SLC24A2: variants seen among roughly 807,000 people sequenced by gnomAD.
SLC24A2 encodes the protein solute carrier family 24 member 2, also known as sodium/potassium/calcium exchanger 2.
In SLC24A2, 36 loss-of-function variants were observed where a neutral mutation model predicts 62.0. The observed-to-expected ratio is 0.58, with a 90% CI of 0.44 to 0.77. The LOEUF is 0.77. SLC24A2 is among the 30% of genes least tolerant of loss of function. The probability of loss-of-function intolerance (pLI) is 0.00; values close to 1 mark genes in which losing one functional copy is unlikely to be tolerated. For missense variants in SLC24A2, 846 were observed against 817.9 expected (o/e 1.03, Z -0.42); for synonymous variants, 358 against 294.0 (o/e 1.22, Z -2.23).
chr9:19,548,501 C>G (rs59115236), intron 8 of SLC24A2, among the ~76,000 whole-genome samples: 7,816 of 152,242 alleles, frequency 0.051, 637 homozygotes, highest in African/African-American at 0.18. Context: ...ACCAATAACT[C>G]AAGGCCTTGG....
At chr9:19,547,626 G>C (rs1268613439) in intron 8 of SLC24A2, among the ~76,000 whole-genome samples, 6 of 148,858 alleles carry the variant, frequency 4.0e-5, no homozygotes. Context: ...TTGACTTACT[G>C]GCATCTTCCT....
chr9:20,267,433 T>G, the SLC24A2 span, among the ~76,000 whole-genome samples: 1 of 152,194 alleles, frequency 6.6e-6, no homozygotes, highest in Non-Finnish European at 1.5e-5. Flanking sequence ...AGTGCTTGTC[T>G]GGCCAGGACC....
At chr9:19,861,737 T>A in the SLC24A2 span, among the ~76,000 whole-genome samples, 1 of 151,824 alleles carries the variant, frequency 6.6e-6, no homozygotes, top group African/African-American at 2.4e-5. Context: ...ACAAAGAAAT[T>A]GAAATAATTA....
chr9:19,584,281 A>C (rs1220949322), intron 5 of SLC24A2, among the ~76,000 whole-genome samples: 3 of 149,742 alleles, frequency 2.0e-5, no homozygotes, highest in Non-Finnish European at 4.4e-5. Context: ...AGTAAAAAAA[A>C]AAAAAAAAAA....
At chr9:20,082,663 A>G in the SLC24A2 span, among the ~76,000 whole-genome samples, 5 of 152,112 alleles carry the variant, frequency 3.3e-5, no homozygotes, top group Non-Finnish European at 7.4e-5. Context: ...ACTTCTTGAC[A>G]TTTTGCTGTA....
the SLC24A2 span, among the ~76,000 whole-genome samples, chr9:20,091,202 A>C: frequency 6.6e-6 from 1 of 152,014 alleles, no homozygotes; most frequent in African/African-American, 2.4e-5. Context: ...GAAATATGGG[A>C]TTACGTAAAG....
At chr9:19,920,514 A>G in the SLC24A2 span, among the ~76,000 whole-genome samples, 2 of 152,256 alleles carry the variant, frequency 1.3e-5, no homozygotes, top group Non-Finnish European at 2.9e-5. Flanking sequence ...AGGAAGTGAA[A>G]CAGGGGAGGG....
At chr9:20,000,920 G>C in the SLC24A2 span, among the ~76,000 whole-genome samples, 2 of 152,128 alleles carry the variant, frequency 1.3e-5, no homozygotes, top group East Asian at 1.9e-4. Flanking sequence ...GCATAACTTG[G>C]AATTATTGCT....
chr9:20,157,255 G>C, the SLC24A2 span, among the ~76,000 whole-genome samples: 1 of 151,136 alleles, frequency 6.6e-6, no homozygotes, highest in Non-Finnish European at 1.5e-5. Context: ...ATCAATAAGA[G>C]GGAATAAATA....
chr9:19,820,058 CATAT>C, the SLC24A2 span, among the ~76,000 whole-genome samples: 78 of 34,618 alleles, frequency 2.3e-3, no homozygotes, highest in African/African-American at 4.4e-3. Flanking sequence ...TATATATACA[CATAT>C]ATATATATAT....
At chr9:20,235,884 T>C in the SLC24A2 span, among the ~76,000 whole-genome samples, 7 of 148,086 alleles carry the variant, frequency 4.7e-5, no homozygotes, top group African/African-American at 1.8e-4. Context: ...AGGCTATTTC[T>C]TTCTTTTTTT....
At chr9:20,139,322 G>A in the SLC24A2 span, among the ~76,000 whole-genome samples, 1 of 152,192 alleles carries the variant, frequency 6.6e-6, no homozygotes, top group East Asian at 1.9e-4. Flanking sequence ...AGTCGCTTTA[G>A]TCCCTCTGTG....
the SLC24A2 span, among the ~76,000 whole-genome samples, chr9:19,847,069 G>C: frequency 6.6e-6 from 1 of 151,964 alleles, no homozygotes; most frequent in Non-Finnish European, 1.5e-5. Flanking sequence ...ATAATTTTTA[G>C]GTAAAAACAG....
intron 2 of SLC24A2, among the ~76,000 whole-genome samples, chr9:19,708,059 A>T (rs199646827): frequency 6.6e-6 from 1 of 152,196 alleles, no homozygotes; most frequent in South Asian, 2.1e-4. Context: ...CAGCAAAGTC[A>T]CAGGATAGAA....
At chr9:19,520,860 T>C (rs753919395) in intron 10 of SLC24A2, 34 bp downstream of exon 10, 1 of 1,607,274 alleles carries the variant, frequency 6.2e-7, no homozygotes, top group Non-Finnish European at 8.5e-7. Context: ...CTGGTGGAGC[T>C]GGTGCACACC....
the SLC24A2 span, among the ~76,000 whole-genome samples, chr9:20,132,765 T>G: frequency 6.6e-6 from 1 of 152,142 alleles, no homozygotes; most frequent in Non-Finnish European, 1.5e-5. Context: ...TGCTAAAACT[T>G]AGGTTTTCTT....
the SLC24A2 span, among the ~76,000 whole-genome samples, chr9:20,203,836 G>A: frequency 7.9e-5 from 12 of 152,102 alleles, no homozygotes; most frequent in African/African-American, 2.7e-4. Flanking sequence ...TGCTGGGTTC[G>A]CCTATGGTAT....
chr9:19,610,685 C>A (rs368587626), intron 4 of SLC24A2, among the ~76,000 whole-genome samples: 1 of 151,914 alleles, frequency 6.6e-6, no homozygotes, highest in East Asian at 1.9e-4. Flanking sequence ...TGGTACTATA[C>A]AATGGTGGCC....
intron 2 of SLC24A2, among the ~76,000 whole-genome samples, chr9:19,636,325 T>TTCTCTC (rs1554690397): frequency 4.6e-5 from 1 of 21,906 alleles, no homozygotes; most frequent in African/African-American, 2.3e-4. Flanking sequence ...TTTTCTTTCT[T>TTCTCTC]TCTTTCTTTC....
Sources: allele counts gnomAD v4.1 joint callset (sites outside exome capture counted in the v4.1 genomes callset), GRCh38; gene constraint gnomAD v4.1.1; transcripts MANE v1.5; gene names NCBI Gene and HGNC (gene_info 2026-07-23, HGNC 2026-07-21).